The following MYBPC3 variants were observed in gnomAD, a reference collection of about 807,000 sequenced individuals.
The protein encoded by MYBPC3 is myosin binding protein C3, also known as myosin-binding protein C, cardiac-type.
MYBPC3 carries 108 observed loss-of-function variants against 159.3 expected under a neutral mutation model. That is an observed-to-expected ratio of 0.68 (90% CI 0.58 to 0.80). The LOEUF (loss-of-function observed/expected upper bound fraction) is 0.80. Ranked by LOEUF, MYBPC3 falls within the 30% of genes least tolerant of loss-of-function variation. The pLI, the probability that MYBPC3 is intolerant of heterozygous loss-of-function variation, is 0.00. For synonymous variants in MYBPC3, 730 were observed against 702.0 expected, an observed-to-expected ratio of 1.04 and a Z score of -0.63; for missense variants, 1,631 against 1,762.1, an observed-to-expected ratio of 0.93 and a Z score of 1.33.
At position 47,338,380 on chromosome 11, in the gene MYBPC3, G is replaced by T; in HGVS notation, c.2308+140C>A. ...CTCCCCCAGAGCGGGGCTCCTTTTG[G>T]GCAGAAAAACCTGTCCTGTTGCCGC... is the stretch of plus-strand genomic sequence containing the variant. On this transcript the variant is annotated intron_variant, in intron 23 of 34. Transcript: ENST00000545968. This position sits in a 1 kb window ranked among gnomAD's most constrained non-coding sequence, Gnocchi z 4.7. 8.1e-7 allele frequency: 1 copy of T among 1,236,942 alleles called. No individual in the cohort carries two copies. The highest frequency in any genetic ancestry group is 1.1e-6 in the Non-Finnish European group (1 of 899,830). 76.6% of individuals were successfully genotyped at this position (1,236,942 alleles called of 1,614,324 possible).
At chr11:47,341,949 C>G (rs1013139815) in intron 18 of MYBPC3, 42 bp downstream of exon 18, 2 of 1,549,770 alleles carry the variant, frequency 1.3e-6, no homozygotes, top group South Asian at 2.4e-5. Context: ...CTGTCTCCAT[C>G]TCAGTCTCCA....
chr11:47,340,960 G>T, intron 20 of MYBPC3, 43 bp downstream of exon 20: 1 of 1,504,076 alleles, frequency 6.6e-7, no homozygotes. Context: ...GGTGGGTTGC[G>T]GGAAAGTGAG....
rs376858768 is a variant in MYBPC3 at position 47,335,109 on chromosome 11, T to C, written c.2838A>G (p.Ala946=). 1.4e-5 allele frequency: 22 copies of C among 1,612,110 alleles called. No individual in the cohort carries two copies. The African/African-American group carries it at 2.4e-4, about 18-fold the overall frequency. ...GGGCTCCAGGCCCTGCCATATTGTG[T>C]GCCCGCACTCGGAAAAGCAGCCGGG... The part of the protein sequence containing the change: ...TGARLLFRVR[A]HNMAGPGAPV... The change falls in exon 27 of 35, where the codon GCA becomes GCG. Residue 946 remains alanine (A), a synonymous_variant. Transcript: ENST00000545968.
chr11:47,341,086 AG>A, intron 19 of MYBPC3, 51 bp downstream of exon 19: 2 of 1,567,262 alleles, frequency 1.3e-6, no homozygotes, highest in South Asian at 1.2e-5. Context: ...GCCCAGTGAC[AG>A]GGGCTCCTGG....
rs1428112291 is a variant in MYBPC3 at position 47,349,852 on chromosome 11, G to A, written c.576C>T (p.Phe192=). Residue 192 remains phenylalanine, a synonymous_variant, in exon 5 of 35, where the codon TTC becomes TTT. Coordinates refer to ENST00000545968, the MANE Select transcript of MYBPC3 (RefSeq NM_000256.3). ...SLLKPPVVKW[F]KGKWVDLSSK... is the part of the protein sequence containing the mutation. The stretch of plus-strand genomic sequence containing the variant: ...TGCTCAGGTCCACCCATTTGCCCTT[G>A]AACCACTTGACCACAGGCGGCTTCA... The A allele has an allele frequency of 3.7e-6, 6 of 1,612,630 alleles. 1 individual carries two copies. The Admixed American group carries it at 8.3e-5, about 22-fold the overall frequency.
chr11:47,341,651 G>T (rs1366833835), intron 18 of MYBPC3, among the ~76,000 whole-genome samples: 1 of 152,152 alleles, frequency 6.6e-6, no homozygotes, highest in Non-Finnish European at 1.5e-5. Context: ...GCTGGGGGAG[G>T]GTGCTGGGGA....
chr11:47,343,422 G>A, intron 13 of MYBPC3, 70 bp downstream of exon 13: 1 of 1,515,890 alleles, frequency 6.6e-7, no homozygotes, highest in South Asian at 1.2e-5. Context: ...CGCATGTGGA[G>A]AGGGGCAGGA....
At chr11:47,335,238 A>T (rs1427497235) in intron 26 of MYBPC3, 29 bp from the exon 27 acceptor site, 9 of 1,553,898 alleles carry the variant, frequency 5.8e-6, no homozygotes, top group Non-Finnish European at 7.9e-6. Flanking sequence ...AGGCAAGGCC[A>T]CAGGCTGTGT....
At chr11:47,345,943 C>A (rs1261820982) in intron 12 of MYBPC3, among the ~76,000 whole-genome samples, 1 of 152,040 alleles carries the variant, frequency 6.6e-6, no homozygotes, top group Non-Finnish European at 1.5e-5. Context: ...AACTTTTGCT[C>A]TTCTCTTCTA....
chr11:47,347,983 T>A, intron 6 of MYBPC3, 78 bp from the exon 7 acceptor site: 1 of 1,370,260 alleles, frequency 7.3e-7, no homozygotes, highest in Non-Finnish European at 1.0e-6. Context: ...GGGGGCGGCC[T>A]CTGAGTATTC....
rs727505168 is a variant in MYBPC3 at position 47,349,911 on chromosome 11, T to C, written c.517A>G (p.Thr173Ala). Residue 173 changes from threonine to alanine, a missense_variant, in exon 5 of 35, where the codon ACC (threonine) becomes GCC (alanine). By Grantham distance (58) the Thr-to-Ala change is moderately conservative. Coordinates refer to ENST00000545968, the MANE Select transcript of MYBPC3 (RefSeq NM_000256.3). ...DGEVTVGGSI[T>A]FSARVAGASL... ...GCGCCGGCCACGCGGGCTGAGAAGG[T>C]GATGCTGCCACCTGCAAAGGCAGGG... 7 of 1,598,858 alleles carry C rather than the reference T, an allele frequency of 4.4e-6. No homozygotes were observed. The highest frequency in any genetic ancestry group is 6.0e-6 in the Non-Finnish European group (7 of 1,173,806).
intron 20 of MYBPC3, among the ~76,000 whole-genome samples, chr11:47,340,120 T>TAC (rs145375791): frequency 0.14 from 21,202 of 149,504 alleles, 1,569 homozygotes; most frequent in South Asian, 0.24. Flanking sequence ...ACACACACAA[T>TAC]ACACACACAC....
At position 47,343,568 on chromosome 11, in the gene MYBPC3, G is replaced by C. The variant is rs11570077; in HGVS notation, c.1147C>G (p.Leu383Val). ...TCATGGTCAGCCAGTTCCACGGTCA[G>C]CCGGATCTTGTGGCCTTTGCTCACC... ...YQVSKGHKIRLTVELADHDAE... is the reference protein window; with the variant it reads ...YQVSKGHKIRVTVELADHDAE... Residue 383 changes from leucine (L) to valine (V), a missense_variant, in exon 13 of 35, where the codon CTG becomes GTG. Coordinates refer to ENST00000545968, the MANE Select transcript of MYBPC3 (RefSeq NM_000256.3). 20 of 1,612,534 alleles carry C rather than the reference G, an allele frequency of 1.2e-5. No homozygotes were observed. The Admixed American group carries it at 3.3e-4, about 27-fold the overall frequency.
Position 47,337,489 on chromosome 11 carries a change from C to T in MYBPC3, c.2504G>A (p.Arg835His), listed in dbSNP as rs527305885. Residue 835 changes from arginine (R) to histidine (H), a missense_variant, in exon 25 of 35, where the codon CGC becomes CAC. Arg to His is a conservative substitution (Grantham distance 29, BLOSUM62 0). Coordinates refer to ENST00000545968, the MANE Select transcript of MYBPC3 (RefSeq NM_000256.3). ...LIQELSHEARRMIEGVVYEMR... is the reference protein window; with the variant it reads ...LIQELSHEARHMIEGVVYEMR... ...CTCGTACACCACGCCCTCGATCATG[C>T]GCCGCGCTTCATGACTCAGCTCCTG... 6.2e-7 allele frequency: 1 copy of T among 1,613,966 alleles called. No homozygotes were observed. Among genetic ancestry groups the T allele is most frequent in the South Asian group, 1.1e-5 (1 of 91,092 alleles).
intron 26 of MYBPC3, chr11:47,335,497 T>G (rs2095881386): frequency 6.8e-6 from 2 of 295,338 alleles, no homozygotes; most frequent in East Asian, 6.4e-5. Flanking sequence ...CCGGCTAATT[T>G]TGTATTTTTA....
chr11:47,332,521 G>GCCCT lies in MYBPC3; in HGVS notation c.3627+41_3627+44dup, dbSNP rs1479568458. 2.5e-6 allele frequency: 4 copies of GCCCT among 1,583,014 alleles called. No individual in the cohort carries two copies. The highest frequency in any genetic ancestry group is 1.7e-6 in the Non-Finnish European group (2 of 1,161,816). On this transcript the variant is annotated intron_variant, in intron 32 of 34. Coordinates refer to ENST00000545968, the MANE Select transcript of MYBPC3 (RefSeq NM_000256.3). This position sits in a 1 kb window ranked among gnomAD's most constrained non-coding sequence, Gnocchi z 4.2. Reference sequence around the variant, plus strand: ...GACTGCTCAACGTCGGGGCCTGTGAGCCCTGCCTCCTGGTCGGCCTGGACC... The same window carrying GCCCT: ...GACTGCTCAACGTCGGGGCCTGTGAGCCCTCCCTGCCTCCTGGTCGGCCTGGACC...
In MYBPC3 at chr11:47,343,002, C is replaced by T. The variant is rs755827807; in HGVS notation, c.1351+19G>A. On this transcript the variant is annotated intron_variant, in intron 15 of 34. Transcript: ENST00000545968. Reference sequence around the variant, plus strand: ...CCATCTCCTCCCCAGGTTCCCACATCCTCAGGTCCCAGGCCCACCTTTCAC... The same window carrying T: ...CCATCTCCTCCCCAGGTTCCCACATTCTCAGGTCCCAGGCCCACCTTTCAC... 3.0e-5 allele frequency: 49 copies of T among 1,612,940 alleles called. No individual in the cohort carries two copies. Among genetic ancestry groups the T allele is most frequent in the Non-Finnish European group, 7.6e-6 (9 of 1,179,752 alleles).
In MYBPC3 at chr11:47,348,628, G is replaced by A. The variant is rs545922056; in HGVS notation, c.655-87C>T. On this transcript the variant is annotated intron_variant, in intron 5 of 34. Coordinates refer to ENST00000545968, the MANE Select transcript of MYBPC3 (RefSeq NM_000256.3). ...CCCTTAAAGGAGACTGGGAGTGGCC[G>A]GGCGCGGTGGCTCAGGCCTGTAATC... 9.0e-4 allele frequency: 960 copies of A among 1,061,006 alleles called. 16 individuals carry two copies. In the Admixed American group the frequency reaches 0.021, roughly 23 times the overall value. 65.7% of individuals were successfully genotyped at this position (1,061,006 alleles called of 1,614,324 possible).
chr11:47,333,490 C>T (rs1367151879), intron 29 of MYBPC3, 67 bp downstream of exon 29: 6 of 1,585,450 alleles, frequency 3.8e-6, no homozygotes, highest in Non-Finnish European at 5.1e-6. Flanking sequence ...CTGGCCCCAC[C>T]CTTGGCCCCA....
Sources: allele counts gnomAD v4.1 joint callset (sites outside exome capture counted in the v4.1 genomes callset), GRCh38; gene constraint gnomAD v4.1.1; non-coding constraint Gnocchi (gnomAD v3.1); transcripts MANE v1.5; gene names NCBI Gene and HGNC (gene_info 2026-07-23, HGNC 2026-07-21).